Variants in MPP3 observed in about 807,000 individuals in gnomAD.
The protein encoded by MPP3 is MAGUK p55 subfamily member 3.
A neutral mutation model predicts 80.7 loss-of-function variants in MPP3; 48 were observed. That is an observed-to-expected ratio of 0.59 (90% CI 0.47 to 0.76). The LOEUF (loss-of-function observed/expected upper bound fraction) is 0.76. Ranked by LOEUF, MPP3 falls within the 30% of genes least tolerant of loss-of-function variation. The pLI is 0.00. For missense variants in MPP3, 620 were observed against 763.0 expected, an observed-to-expected ratio of 0.81 and a Z score of 2.21; for synonymous variants, 311 against 297.6, an observed-to-expected ratio of 1.04 and a Z score of -0.46.
rs1418498213 is a variant in MPP3, at chr17:43,814,050, C to T, written c.1216G>A (p.Val406Met). Residue 406 changes from valine (V) to methionine (M), a missense_variant, in exon 16 of 20, where the codon GTG (valine) becomes ATG (methionine). Physicochemically the swap from Val to Met is conservative, Grantham distance 21. Coordinates refer to ENST00000398389, the MANE Select transcript of MPP3 (RefSeq NM_001932.6). ...CCAAAGTGCTGTGGGTTCTCAGCCA[C>T]CACCTTTTGCTTCAGCTCGTGCAGT... ...ARLHELKQKV[V>M]AENPQHFGVA... 2 of 1,613,500 alleles carry T rather than the reference C, an allele frequency of 1.2e-6. No individual in the cohort carries two copies. The highest frequency in any genetic ancestry group is 1.3e-5 in the African/African-American group (1 of 74,910).
chr17:43,817,279 G>C (rs570276668), intron 12 of MPP3, among the ~76,000 whole-genome samples: 34 of 152,252 alleles, frequency 2.2e-4, no homozygotes, highest in Non-Finnish European at 3.8e-4. Flanking sequence ...CAGAAAATGT[G>C]ACCCCAACTC....
chr17:43,822,388 T>C (rs1433631439), intron 10 of MPP3, among the ~76,000 whole-genome samples: 1 of 152,156 alleles, frequency 6.6e-6, no homozygotes, highest in Non-Finnish European at 1.5e-5. Flanking sequence ...TGGGAATGTC[T>C]TGAAAAACTG....
intron 11 of MPP3, 115 bp from the exon 12 acceptor site, chr17:43,818,225 C>G (rs577299233): frequency 5.8e-6 from 5 of 861,410 alleles, no homozygotes; most frequent in African/African-American, 5.3e-5. Flanking sequence ...TGGGCACACA[C>G]TGGACACTCT....
chr17:43,806,517 T>C (rs1343148783), intron 19 of MPP3, among the ~76,000 whole-genome samples: 3 of 152,098 alleles, frequency 2.0e-5, no homozygotes, highest in African/African-American at 7.2e-5. Flanking sequence ...CCTGTAAGTG[T>C]CACATAATGG....
intron 8 of MPP3, among the ~76,000 whole-genome samples, chr17:43,827,311 T>C (rs2045750590): frequency 6.8e-6 from 1 of 146,586 alleles, no homozygotes; most frequent in Non-Finnish European, 1.5e-5. Context: ...CCACTGTGCC[T>C]GGCTTTTTTT....
rs768005146 is a variant in MPP3 at position 43,831,357 on chromosome 17, A to G, written c.145-36T>C. The G allele has an allele frequency of 3.8e-6, 6 of 1,596,204 alleles. No individual in the cohort carries two copies. The African/African-American group carries it at 8.0e-5, about 21-fold the overall frequency. On this transcript the variant is annotated intron_variant, in intron 4 of 19. Transcript: ENST00000398389. ...AGAGTATTTCAGATGCACCCTGGAC[A>G]CCACACATCCCACCCACGGCTGTGG...
At chr17:43,807,783 C>G (rs554710116) in intron 19 of MPP3, among the ~76,000 whole-genome samples, 177 of 152,098 alleles carry the variant, frequency 1.2e-3, no homozygotes, top group African/African-American at 4.2e-3. Flanking sequence ...CAGAGACACC[C>G]TGTCTCTATA....
intron 19 of MPP3, among the ~76,000 whole-genome samples, chr17:43,805,548 A>C (rs2044581500): frequency 6.6e-6 from 1 of 152,248 alleles, no homozygotes; most frequent in Non-Finnish European, 1.5e-5. Context: ...AAACAATCTA[A>C]ATGTCCATTA....
chr17:43,815,592 C>CA, intron 14 of MPP3: 1 of 311,370 alleles, frequency 3.2e-6, no homozygotes, highest in South Asian at 2.5e-5. Flanking sequence ...AGAGACAGGG[C>CA]AAAACCCTGT....
intron 16 of MPP3, among the ~76,000 whole-genome samples, chr17:43,813,489 G>T: frequency 6.6e-6 from 1 of 152,064 alleles, no homozygotes. Context: ...GACATCCCAG[G>T]GTGCCCCTGG....
rs764819606 is a variant in MPP3 at position 43,814,308 on chromosome 17, G to T, written c.1063C>A (p.Gln355Lys). The part of the protein sequence containing the change: ...LGCRERLGGS[Q>K]EGKMSSGAES... ...GCTCCGGAGGACATCTTTCCTTCCT[G>T]CGAGCCACCCAGTCTCTCCCTACAG... is the stretch of plus-strand genomic sequence containing the variant. The change falls in exon 15 of 20, where the codon CAG becomes AAG. Residue 355 changes from glutamine to lysine, a missense_variant. Coordinates refer to ENST00000398389, the MANE Select transcript of MPP3 (RefSeq NM_001932.6). 6.2e-7 allele frequency: 1 copy of T among 1,611,552 alleles called. No homozygotes were observed. The highest frequency in any genetic ancestry group is 8.5e-7 in the Non-Finnish European group (1 of 1,179,958).
chr17:43,809,880 A>T (rs2044773250), intron 18 of MPP3, among the ~76,000 whole-genome samples: 1 of 152,004 alleles, frequency 6.6e-6, no homozygotes, highest in Non-Finnish European at 1.5e-5. Flanking sequence ...ATCTGTCTCA[A>T]AAAAAAAGAA....
Position 43,831,869 on chromosome 17 carries a change from G to T in MPP3, c.25+13C>A, listed in dbSNP as rs973132544. ...CAGGACTGTGGCAGGTCCAGCCGGG[G>T]GGAGGTACTTACCAGAGTCCTCCGA... On this transcript the variant is annotated intron_variant, in intron 3 of 19. Coordinates refer to ENST00000398389, the MANE Select transcript of MPP3 (RefSeq NM_001932.6). The T allele has an allele frequency of 7.5e-6, 12 of 1,602,650 alleles. No homozygotes were observed. Among genetic ancestry groups the T allele is most frequent in the East Asian group, 4.5e-5 (2 of 44,762 alleles).
intron 5 of MPP3, among the ~76,000 whole-genome samples, 167 bp from the exon 6 acceptor site, chr17:43,830,274 GAGC>G (rs1356504349): frequency 1.3e-5 from 2 of 152,166 alleles, no homozygotes; most frequent in African/African-American, 2.4e-5. Context: ...CAGGGGTCAG[GAGC>G]AGCTCTATGG....
intron 19 of MPP3, among the ~76,000 whole-genome samples, chr17:43,805,138 G>C (rs1279344744): frequency 6.6e-6 from 1 of 152,068 alleles, no homozygotes; most frequent in Non-Finnish European, 1.5e-5. Flanking sequence ...AACAAAAAAT[G>C]GACATTTAAA....
chr17:43,808,896 GCGTTC>G, intron 19 of MPP3, 55 bp downstream of exon 19: 2 of 1,553,814 alleles, frequency 1.3e-6, no homozygotes, highest in South Asian at 2.5e-5. Context: ...GCAGCTAGAA[GCGTTC>G]CTGTAACAGC....
At chr17:43,831,092 G>A (rs2045936122) in intron 5 of MPP3, 152 bp downstream of exon 5, 2 of 697,374 alleles carry the variant, frequency 2.9e-6, no homozygotes, top group African/African-American at 1.8e-5. Context: ...CCAGAGAGAG[G>A]AAGAGAAGGA....
chr17:43,825,711 G>A (rs2045661533), intron 9 of MPP3, 45 bp downstream of exon 9: 1 of 1,281,624 alleles, frequency 7.8e-7, no homozygotes, highest in South Asian at 1.2e-5. Flanking sequence ...CTTGCTCTGG[G>A]TGTCTGAAGA....
intron 12 of MPP3, 152 bp downstream of exon 12, chr17:43,817,894 A>T: frequency 4.0e-6 from 1 of 250,038 alleles, no homozygotes; most frequent in Non-Finnish European, 8.1e-6. Flanking sequence ...CCCACCTCCT[A>T]CTTCCCACCC....
Sources: allele counts gnomAD v4.1 joint callset (sites outside exome capture counted in the v4.1 genomes callset), GRCh38; gene constraint gnomAD v4.1.1; transcripts MANE v1.5; gene names NCBI Gene and HGNC (gene_info 2026-07-23, HGNC 2026-07-21).